The following GRAMD1B variants were observed in gnomAD, a reference collection of about 807,000 sequenced individuals.
The protein encoded by GRAMD1B is protein Aster-B.
A neutral mutation model predicts 99.7 loss-of-function variants in GRAMD1B; 37 were observed. The ratio of observed to expected loss-of-function variants is 0.37; its 90% CI spans 0.29 to 0.49. The LOEUF is 0.49. Ranked by LOEUF, GRAMD1B falls within the 20% of genes least tolerant of loss-of-function variation. The pLI, the probability that GRAMD1B is intolerant of heterozygous loss-of-function variation, is 0.98. For missense variants in GRAMD1B, 888 were observed against 1,009.2 expected (o/e 0.88, Z 1.63); for synonymous variants, 427 against 387.6 (o/e 1.10, Z -1.19).
intron 1 of GRAMD1B, among the ~76,000 whole-genome samples, chr11:123,366,011 C>T (rs1239582676): frequency 6.6e-6 from 1 of 152,206 alleles, no homozygotes; most frequent in East Asian, 1.9e-4. Context: ...CAAAAGAAAG[C>T]AGAGGCAAAT....
In GRAMD1B at chr11:123,547,587, G is replaced by T. The variant is rs533130568; in HGVS notation, c.453-29780G>T. On this transcript the variant is annotated intron_variant, in intron 2 of 19. Coordinates refer to ENST00000635736, the MANE Select transcript of GRAMD1B (RefSeq NM_001387025.1). The stretch of plus-strand genomic sequence containing the variant: ...CCTCCCTCTGGAGGAACAAAAAAAA[G>T]ACCTTTCTCCCCTTTTGCTTCCCCT... Among the ~76,000 whole-genome samples, 8 of 152,266 alleles carry T rather than the reference G, an allele frequency of 5.3e-5. No homozygotes were observed. The South Asian group carries it at 1.5e-3, about 28-fold the overall frequency.
chr11:123,482,888 G>A lies in GRAMD1B; in HGVS notation c.452+1995G>A, dbSNP rs565885010. Among the ~76,000 whole-genome samples the A allele has an allele frequency of 2.8e-4, 42 of 152,174 alleles. 2 individuals carry two copies. In the South Asian group the frequency reaches 6.2e-3, roughly 23 times the overall value. The stretch of plus-strand genomic sequence containing the variant: ...AGCCTGGCCAACATGGGGAAGCCCC[G>A]TCTCTACTAAAAATGCAAAAATTAG... On this transcript the variant is annotated intron_variant, in intron 2 of 19. Coordinates refer to ENST00000635736, the MANE Select transcript of GRAMD1B (RefSeq NM_001387025.1).
intron 2 of GRAMD1B, among the ~76,000 whole-genome samples, chr11:123,513,610 C>CT (rs1158218306): frequency 0.024 from 2,670 of 110,802 alleles, 35 homozygotes; most frequent in East Asian, 0.035. Flanking sequence ...TCCTTCCTTC[C>CT]TTCCTTCCTT....
At chr11:123,425,912 T>C (rs552650731), upstream of GRAMD1B, among the ~76,000 whole-genome samples, 1 of 152,326 alleles carries the variant, frequency 6.6e-6, no homozygotes, top group African/African-American at 2.4e-5. Flanking sequence ...GGAGATACCA[T>C]GGGGAGGAGT....
intron 1 of GRAMD1B, among the ~76,000 whole-genome samples, chr11:123,411,320 A>G (rs1423908743): frequency 6.6e-6 from 1 of 152,044 alleles, no homozygotes; most frequent in Non-Finnish European, 1.5e-5. Flanking sequence ...CTTCTTTAGT[A>G]GGTTATGTGT....
chr11:123,517,552 G>A (rs1175218313), intron 2 of GRAMD1B, among the ~76,000 whole-genome samples: 1 of 152,154 alleles, frequency 6.6e-6, no homozygotes, highest in Non-Finnish European at 1.5e-5. Context: ...TTAGAGAAAT[G>A]GAGTAAGTTG....
chr11:123,489,177 T>C (rs903818232), intron 2 of GRAMD1B, among the ~76,000 whole-genome samples: 17 of 152,042 alleles, frequency 1.1e-4, no homozygotes, highest in African/African-American at 7.2e-5. Flanking sequence ...TGGCCTGTGG[T>C]TAATGTGTAT....
At chr11:123,393,180 C>T (rs963836026) in intron 1 of GRAMD1B, among the ~76,000 whole-genome samples, 2 of 152,158 alleles carry the variant, frequency 1.3e-5, no homozygotes, top group African/African-American at 2.4e-5. Flanking sequence ...AATCAAGACT[C>T]CTATACATTA....
intron 1 of GRAMD1B, among the ~76,000 whole-genome samples, chr11:123,406,605 G>A (rs1313809863): frequency 6.6e-6 from 1 of 152,246 alleles, no homozygotes; most frequent in Middle Eastern, 3.4e-3. Context: ...TTCACTCTGG[G>A]CTCTGCCACT....
intron 3 of GRAMD1B, among the ~76,000 whole-genome samples, chr11:123,581,640 T>G (rs147913789): frequency 2.6e-5 from 4 of 152,350 alleles, no homozygotes; most frequent in Non-Finnish European, 5.9e-5. Flanking sequence ...GCCTGGAGAT[T>G]GCTGGTTCAG....
intron 2 of GRAMD1B, among the ~76,000 whole-genome samples, chr11:123,555,135 C>T (rs1946047513): frequency 6.6e-6 from 1 of 152,136 alleles, no homozygotes; most frequent in African/African-American, 2.4e-5. Flanking sequence ...AAAGAAGAAA[C>T]GTTGACAGGG....
At chr11:123,480,086 T>G (rs1053748882) in intron 1 of GRAMD1B, among the ~76,000 whole-genome samples, 1 of 152,222 alleles carries the variant, frequency 6.6e-6, no homozygotes, top group Non-Finnish European at 1.5e-5. Context: ...TAAGCTTTTC[T>G]TTCTCTGGAG....
chr11:123,593,218 C>T (rs1148102), intron 4 of GRAMD1B, among the ~76,000 whole-genome samples: 19,521 of 151,384 alleles, frequency 0.13, 1,323 homozygotes, highest in East Asian at 0.22. Context: ...GGTGACAGAG[C>T]GAGACTCTGT....
intron 2 of GRAMD1B, among the ~76,000 whole-genome samples, chr11:123,513,578 T>TTCCTTTCCTTCC (rs1555050112): frequency 2.2e-4 from 9 of 41,692 alleles, no homozygotes; most frequent in African/African-American, 7.4e-4. Flanking sequence ...CCTTCCTTCC[T>TTCCTTTCCTTCC]TTCCTTCCTT....
intron 2 of GRAMD1B, chr11:123,560,154 T>G: frequency 2.0e-6 from 2 of 980,598 alleles, no homozygotes; most frequent in Non-Finnish European, 2.4e-6. Context: ...AAGAGTTGCA[T>G]TATGTAAACC....
intron 1 of GRAMD1B, among the ~76,000 whole-genome samples, chr11:123,479,235 G>A (rs951148064): frequency 1.5e-4 from 23 of 152,208 alleles, no homozygotes; most frequent in African/African-American, 5.1e-4. Flanking sequence ...GGTTTCTTGT[G>A]TCTGTGTTTG....
rs763283753 is a variant in GRAMD1B at position 123,492,858 on chromosome 11, T to TCACACACACACA, written c.452+11971_452+11972insCACACACACACA. On this transcript the variant is annotated intron_variant, in intron 2 of 19. Coordinates refer to ENST00000635736, the MANE Select transcript of GRAMD1B (RefSeq NM_001387025.1). The surrounding 1 kb of genome is among the most constrained non-coding windows in gnomAD (Gnocchi z 4.2). Reference sequence around the variant, plus strand: ...CTCTCTCTCTCTCTGTCTCTCTCTTTCACACATACACACACACACACACAC... The same window carrying TCACACACACACA: ...CTCTCTCTCTCTCTGTCTCTCTCTTTCACACACACACACACACATACACACACACACACACAC... Among the ~76,000 whole-genome samples the TCACACACACACA allele has an allele frequency of 0.049, 6,430 of 131,674 alleles. 221 individuals carry two copies. The highest frequency in any genetic ancestry group is 0.09 in the African/African-American group (3,270 of 36,224). The allele number at this position is 131,674 out of a possible 152,430, so 86.4% of individuals were successfully genotyped here.
intron 2 of GRAMD1B, among the ~76,000 whole-genome samples, chr11:123,546,373 T>C (rs1458926126): frequency 1.3e-5 from 2 of 152,260 alleles, no homozygotes; most frequent in African/African-American, 2.4e-5. Context: ...TTTGCTCAAC[T>C]ACTACTTTTC....
At chr11:123,605,169 G>A (rs879046719) in intron 9 of GRAMD1B, among the ~76,000 whole-genome samples, 153 bp from the exon 10 acceptor site, 1 of 152,172 alleles carries the variant, frequency 6.6e-6, no homozygotes, top group Non-Finnish European at 1.5e-5. Context: ...AATGGGGTAG[G>A]CAGGGGATTT....
Sources: allele counts gnomAD v4.1 joint callset (sites outside exome capture counted in the v4.1 genomes callset), GRCh38; gene constraint gnomAD v4.1.1; non-coding constraint Gnocchi (gnomAD v3.1); transcripts MANE v1.5; gene names NCBI Gene and HGNC (gene_info 2026-07-23, HGNC 2026-07-21).